Variants in NREP observed in about 807,000 individuals in gnomAD.
NREP encodes the protein neuronal regeneration related protein, also known as neuronal regeneration-related protein.
Under a neutral mutation model 8.6 loss-of-function variants are expected in NREP, and 5 were observed. That is an observed-to-expected ratio of 0.58 (90% CI 0.30 to 1.22). The LOEUF (loss-of-function observed/expected upper bound fraction) is 1.22. Ranked by LOEUF, NREP falls within the 50% of genes most tolerant of loss-of-function variation. The pLI, the probability that NREP is intolerant of heterozygous loss-of-function variation, is 0.07. For missense variants in NREP, 86 were observed against 82.5 expected (o/e 1.04, Z -0.17); for synonymous variants, 27 against 28.0 (o/e 0.96, Z 0.11).
At chr5:111,906,900 GTTTT>G (rs947536308) in intron 2 of NREP, among the ~76,000 whole-genome samples, 1 of 151,686 alleles carries the variant, frequency 6.6e-6, no homozygotes, top group African/African-American at 2.4e-5. Context: ...TCTATAGTTT[GTTTT>G]TTATTATTTT....
At chr5:111,852,657 T>G (rs1435129459) in intron 2 of NREP, among the ~76,000 whole-genome samples, 1 of 152,134 alleles carries the variant, frequency 6.6e-6, no homozygotes, top group East Asian at 1.9e-4. Context: ...CTTTCCATTT[T>G]TTGTGGGGGA....
intron 2 of NREP, among the ~76,000 whole-genome samples, chr5:111,902,557 A>T (rs71579167): frequency 0.13 from 19,171 of 152,224 alleles, 1,574 homozygotes; most frequent in Non-Finnish European, 0.18. Context: ...AGTGGTCCAA[A>T]GTTAAAGCAG....
rs552752014 is a variant in NREP at position 111,799,956 on chromosome 5, G to A, written c.136-64449C>T. Among the ~76,000 whole-genome samples the A allele has an allele frequency of 4.6e-5, 7 of 152,234 alleles. No individual in the cohort carries two copies. In the South Asian group the frequency reaches 8.3e-4, roughly 18 times the overall value. On this transcript the variant is annotated intron_variant, in intron 2 of 3. Transcript: ENST00000395634. Reference sequence around the variant, plus strand: ...TTTTTTTGAGATGGAGTCTCGCTCCGTCACCCAGGCTGGAGTGCGGTGGTG... The same window carrying A: ...TTTTTTTGAGATGGAGTCTCGCTCCATCACCCAGGCTGGAGTGCGGTGGTG...
intron 2 of NREP, among the ~76,000 whole-genome samples, chr5:111,802,368 T>C (rs918111482): frequency 1.3e-5 from 2 of 152,142 alleles, no homozygotes; most frequent in Non-Finnish European, 2.9e-5. Context: ...GGCAGATGAC[T>C]CCCAAATTGT....
intron 2 of NREP, among the ~76,000 whole-genome samples, chr5:111,894,649 A>G (rs1180644285): frequency 6.6e-6 from 1 of 152,224 alleles, no homozygotes; most frequent in Non-Finnish European, 1.5e-5. Context: ...GATTCAAAGC[A>G]ACAAAGACCT....
intron 2 of NREP, among the ~76,000 whole-genome samples, chr5:111,807,673 A>G (rs942704395): frequency 2.0e-5 from 3 of 152,192 alleles, no homozygotes; most frequent in African/African-American, 4.8e-5. Context: ...AAAAAAAACC[A>G]GATTTCAGGG....
At chr5:111,761,742 A>C (rs1050052845), upstream of NREP, among the ~76,000 whole-genome samples, 6 of 152,204 alleles carry the variant, frequency 3.9e-5, no homozygotes, top group African/African-American at 1.4e-4. Flanking sequence ...GATCCAGGGA[A>C]GGTGACGCCA....
intron 2 of NREP, among the ~76,000 whole-genome samples, chr5:111,906,206 T>C (rs967931858): frequency 6.6e-6 from 1 of 152,110 alleles, no homozygotes; most frequent in African/African-American, 2.4e-5. Context: ...CTGTTGCACA[T>C]CTAGAGTTTT....
intron 2 of NREP, 101 bp downstream of exon 2, chr5:111,755,669 G>C: frequency 7.5e-7 from 1 of 1,331,530 alleles, no homozygotes; most frequent in East Asian, 2.3e-5. Context: ...ATGGGGTGTA[G>C]AACAATGAAG....
chr5:111,922,594 T>A lies in NREP; in HGVS notation c.135+52680A>T, dbSNP rs764729507. Among the ~76,000 whole-genome samples, 78 of 152,158 alleles carry A rather than the reference T, an allele frequency of 5.1e-4. 1 individual carries two copies. Among genetic ancestry groups the A allele is most frequent in the Non-Finnish European group, 1.0e-3 (70 of 68,024 alleles). On this transcript the variant is annotated intron_variant, in intron 2 of 3. Transcript: ENST00000395634. ...AGCCATCTGTTGAGGGAGGTGTTTTTAAGGCAGATTTCACAAGCATTAACA... is the reference window on the plus strand; with the variant it reads ...AGCCATCTGTTGAGGGAGGTGTTTTAAAGGCAGATTTCACAAGCATTAACA...
intron 2 of NREP, among the ~76,000 whole-genome samples, chr5:111,804,063 G>A (rs1369295393): frequency 6.6e-6 from 1 of 152,128 alleles, no homozygotes; most frequent in Non-Finnish European, 1.5e-5. Flanking sequence ...GGAGTGGTCA[G>A]GGAAAGTTTA....
chr5:111,806,703 ATCTAAGT>A (rs1752152270), intron 2 of NREP, among the ~76,000 whole-genome samples: 2 of 151,506 alleles, frequency 1.3e-5, no homozygotes, highest in Non-Finnish European at 2.9e-5. Context: ...TCTGGTGCCA[ATCTAAGT>A]TTCTTTTTGT....
chr5:111,768,145 C>G (rs1482354739), intron 2 of NREP, among the ~76,000 whole-genome samples: 1 of 152,052 alleles, frequency 6.6e-6, no homozygotes, highest in Non-Finnish European at 1.5e-5. Context: ...CAGTTTAAAG[C>G]AAATAAACAA....
At chr5:111,917,238 G>T (rs909746252) in intron 2 of NREP, among the ~76,000 whole-genome samples, 22 of 152,054 alleles carry the variant, frequency 1.4e-4, no homozygotes, top group Admixed American at 3.9e-4. Context: ...ACCAAAAAAA[G>T]CCCAGGACCA....
chr5:111,966,872 T>C (rs114502323), intron 2 of NREP, among the ~76,000 whole-genome samples: 1,662 of 152,314 alleles, frequency 0.011, 33 homozygotes, highest in African/African-American at 0.038. Flanking sequence ...GTTGTGGTAG[T>C]TCAATGAACA....
chr5:111,880,598 A>G (rs1754030566), intron 2 of NREP, among the ~76,000 whole-genome samples: 1 of 152,184 alleles, frequency 6.6e-6, no homozygotes, highest in Non-Finnish European at 1.5e-5. Context: ...GGACCATCAT[A>G]AAGACTTCAA....
intron 2 of NREP, among the ~76,000 whole-genome samples, chr5:111,786,186 C>A (rs1751604386): frequency 6.6e-6 from 1 of 152,148 alleles, no homozygotes; most frequent in African/African-American, 2.4e-5. Flanking sequence ...TCACAAGATC[C>A]AATGGTTTTA....
chr5:111,764,274 G>T (rs1276157522), intron 2 of NREP, among the ~76,000 whole-genome samples: 1 of 152,130 alleles, frequency 6.6e-6, no homozygotes, highest in Non-Finnish European at 1.5e-5. Flanking sequence ...GAAGGAGGGG[G>T]TTGGCCCAAA....
intron 2 of NREP, among the ~76,000 whole-genome samples, chr5:111,800,610 T>G (rs982788955): frequency 6.6e-6 from 1 of 152,198 alleles, no homozygotes; most frequent in African/African-American, 2.4e-5. Context: ...AGAATTCCAG[T>G]GGAGTTCATG....
Sources: gnomAD v4.1 joint callset for allele counts (sites outside exome capture counted in the v4.1 genomes callset) on GRCh38, gnomAD v4.1.1 for gene constraint, MANE v1.5 for transcripts, NCBI Gene and HGNC (gene_info 2026-07-23, HGNC 2026-07-21) for gene names.